Variants in AP1G1 observed in about 807,000 individuals in gnomAD.
AP1G1 encodes AP-1 complex subunit gamma-1.
A neutral mutation model predicts 108.3 loss-of-function variants in AP1G1; 7 were observed. The observed-to-expected ratio is 0.06, with a 90% confidence interval of 0.04 to 0.12. The LOEUF is 0.12. AP1G1 is among the 10% of genes least tolerant of loss of function. AP1G1 has a pLI of 1.00. For missense variants in AP1G1, 756 were observed against 1,010.7 expected, an observed-to-expected ratio of 0.75 and a Z score of 3.42; for synonymous variants, 379 against 353.5, an observed-to-expected ratio of 1.07 and a Z score of -0.81.
At chr16:71,806,031 TAAAAAAA>T (rs10605748) in intron 1 of AP1G1, among the ~76,000 whole-genome samples, 1 of 149,084 alleles carries the variant, frequency 6.7e-6, no homozygotes, top group Non-Finnish European at 1.5e-5. Flanking sequence ...ATAAAAATAA[TAAAAAAA>T]AAAAAAAAGA....
chr16:71,774,790 G>A (rs1190675344), intron 2 of AP1G1, among the ~76,000 whole-genome samples, 198 bp from the exon 3 acceptor site: 2 of 151,078 alleles, frequency 1.3e-5, no homozygotes, highest in South Asian at 2.1e-4. Flanking sequence ...GTGTGATCTC[G>A]GCTCACTGCA....
intron 21 of AP1G1, among the ~76,000 whole-genome samples, chr16:71,735,776 T>TGA (rs1230582177): frequency 3.3e-5 from 5 of 151,830 alleles, no homozygotes; most frequent in Non-Finnish European, 2.9e-5. Context: ...CTAAAATATT[T>TGA]GAGAGAGAGA....
intron 1 of AP1G1, among the ~76,000 whole-genome samples, chr16:71,798,480 T>C (rs1454841889): frequency 1.3e-5 from 2 of 151,490 alleles, no homozygotes; most frequent in South Asian, 2.1e-4. Context: ...ATTACAGGCA[T>C]GAGCCACTGC....
intron 2 of AP1G1, among the ~76,000 whole-genome samples, chr16:71,787,448 G>C (rs998236534): frequency 1.3e-5 from 2 of 152,060 alleles, no homozygotes; most frequent in Non-Finnish European, 2.9e-5. Flanking sequence ...CCATCACAGA[G>C]CCACAGCATG....
intron 19 of AP1G1, among the ~76,000 whole-genome samples, chr16:71,744,465 T>C (rs1678475934): frequency 6.6e-6 from 1 of 151,870 alleles, no homozygotes; most frequent in Non-Finnish European, 1.5e-5. Context: ...CCACAGCTAC[T>C]GAAAACTAAC....
chr16:71,753,715 A>G, intron 13 of AP1G1, 118 bp downstream of exon 13: 1 of 853,598 alleles, frequency 1.2e-6, no homozygotes. Flanking sequence ...TTCCTAACTG[A>G]CATTAATGTT....
intron 1 of AP1G1, among the ~76,000 whole-genome samples, chr16:71,807,307 C>T (rs957890525): frequency 2.6e-5 from 4 of 152,222 alleles, no homozygotes; most frequent in Admixed American, 2.0e-4. Context: ...CGGCGTGTGC[C>T]TGTAGTCCCA....
In AP1G1 at chr16:71,761,707, C is replaced by T. The variant is rs930321567; in HGVS notation, c.919-140G>A. 38 of 618,524 alleles carry T rather than the reference C, an allele frequency of 6.1e-5. 1 individual carries two copies. Among genetic ancestry groups the T allele is most frequent in the South Asian group, 2.6e-4 (12 of 45,724 alleles). 38.3% of individuals were successfully genotyped at this position (618,524 alleles called of 1,614,324 possible). On this transcript the variant is annotated intron_variant, in intron 9 of 22. Transcript: ENST00000299980. ...AAAAGGAGCTGGGTGCGGTGGCTCA[C>T]GCCTGTAATCCCAGAACTTTGGGAG... is the stretch of plus-strand genomic sequence containing the variant.
intron 10 of AP1G1, among the ~76,000 whole-genome samples, 166 bp from the exon 11 acceptor site, chr16:71,759,087 G>A (rs941062632): frequency 5.5e-4 from 84 of 152,192 alleles, no homozygotes; most frequent in African/African-American, 1.2e-4. Context: ...AGGTATAAGC[G>A]ATACCATAAT....
intron 1 of AP1G1, among the ~76,000 whole-genome samples, chr16:71,799,905 AAT>A (rs1451227433): frequency 1.8e-4 from 16 of 87,886 alleles, no homozygotes; most frequent in Non-Finnish European, 3.7e-4. Flanking sequence ...TCTTAAAAAT[AAT>A]AATAATAATA....
chr16:71,733,219 C>T (rs983551658), intron 22 of AP1G1, 60 bp from the exon 23 acceptor site: 17 of 1,348,668 alleles, frequency 1.3e-5, no homozygotes, highest in African/African-American at 8.7e-5. Flanking sequence ...AGAATCTGTC[C>T]GGTCCACAAA....
chr16:71,752,543 G>A (rs1390790420), intron 13 of AP1G1, among the ~76,000 whole-genome samples: 3 of 152,040 alleles, frequency 2.0e-5, no homozygotes, highest in Non-Finnish European at 4.4e-5. Context: ...TCCCCATTTG[G>A]GGACTACTAG....
intron 1 of AP1G1, chr16:71,808,410 C>G (rs550732975): frequency 2.7e-6 from 3 of 1,098,484 alleles, no homozygotes; most frequent in African/African-American, 3.3e-5. Context: ...AGAAGACACG[C>G]GGGGGTGGGG....
Position 71,729,231 on chromosome 16 carries a change from CTTT to C in AP1G1, c.*3824_*3826del, listed in dbSNP as rs557088452. 18 of 152,270 alleles carry C rather than the reference CTTT, an allele frequency of 1.2e-4. 1 individual carries two copies. In the East Asian group the frequency reaches 3.5e-3, roughly 29 times the overall value. The allele number at this position is 152,270 out of a possible 1,614,324, so 9.4% of individuals were successfully genotyped here. A position where few individuals can be genotyped will look rare whatever the true frequency, so the allele number is the denominator to read the frequency against. On this transcript the variant is annotated 3_prime_UTR_variant, in exon 23 of 23. Transcript: ENST00000299980. ...CATTAGCTGTCCCACTTGGAAACAG[CTTT>C]TTAATATTTTTACAGTAAAGAAGAT...
chr16:71,733,287 G>T, intron 22 of AP1G1, 128 bp from the exon 23 acceptor site: 1 of 709,534 alleles, frequency 1.4e-6, no homozygotes, highest in Non-Finnish European at 2.3e-6. Flanking sequence ...AAGAATGACA[G>T]GTAAACAACA....
intron 2 of AP1G1, among the ~76,000 whole-genome samples, chr16:71,785,616 G>C (rs1296271673): frequency 6.6e-6 from 1 of 150,958 alleles, no homozygotes; most frequent in Non-Finnish European, 1.5e-5. Flanking sequence ...TGGGAATGGT[G>C]GCTCACGCCT....
At chr16:71,771,669 C>T (rs1453772911) in intron 4 of AP1G1, among the ~76,000 whole-genome samples, 1 of 152,130 alleles carries the variant, frequency 6.6e-6, no homozygotes, top group African/African-American at 2.4e-5. Context: ...CTACATTAGA[C>T]TATGTATGGT....
rs113056444 is a variant in AP1G1, at chr16:71,771,496, G to A, written c.469-244C>T. Among the ~76,000 whole-genome samples, 546 of 152,148 alleles carry A rather than the reference G, an allele frequency of 3.6e-3. 8 individuals carry two copies. The highest frequency in any genetic ancestry group is 0.013 in the African/African-American group (522 of 41,528). On this transcript the variant is annotated intron_variant, in intron 4 of 22. Coordinates refer to ENST00000299980, the MANE Select transcript of AP1G1 (RefSeq NM_001128.6). Reference sequence around the variant, plus strand: ...AGCCCAGGAGTTTGAGAACAGCCTGGGCAACACAGTAAGAACCTGCCTCTA... The same window carrying A: ...AGCCCAGGAGTTTGAGAACAGCCTGAGCAACACAGTAAGAACCTGCCTCTA...
At chr16:71,748,041 A>G (rs1412841122) in intron 16 of AP1G1, among the ~76,000 whole-genome samples, 1 of 152,246 alleles carries the variant, frequency 6.6e-6, no homozygotes, top group African/African-American at 2.4e-5. Flanking sequence ...AAGGGAGTAA[A>G]AGAATGAGAG....
Sources: gnomAD v4.1 joint callset for allele counts (sites outside exome capture counted in the v4.1 genomes callset) on GRCh38, gnomAD v4.1.1 for gene constraint, MANE v1.5 for transcripts, NCBI Gene and HGNC (gene_info 2026-07-23, HGNC 2026-07-21) for gene names.